DOCK2: variants seen among roughly 807,000 people sequenced by gnomAD.
DOCK2 encodes the protein dedicator of cytokinesis 2.
Under a neutral mutation model 248.9 loss-of-function variants are expected in DOCK2, and 87 were observed. The ratio of observed to expected loss-of-function variants is 0.35; its 90% CI spans 0.29 to 0.42. DOCK2 has a LOEUF of 0.42. Among genes scored for constraint, DOCK2 ranks in the 10% least tolerant of loss-of-function variants. The pLI, the probability that DOCK2 is intolerant of heterozygous loss-of-function variation, is 1.00. For synonymous variants in DOCK2, 805 were observed against 821.6 expected (o/e 0.98, Z 0.35); for missense variants, 1,747 against 2,300.2 (o/e 0.76, Z 4.92).
Position 169,747,560 on chromosome 5 carries a change from G to A in DOCK2, c.2376+56G>A. On this transcript the variant is annotated intron_variant, in intron 23 of 51. Coordinates refer to ENST00000520908, the MANE Select transcript of DOCK2 (RefSeq NM_004946.3). ...CTCCTTGGCCATCCAGTAAATAACA[G>A]CATGCTAAGATAATATCTTCTTTTA... is the stretch of plus-strand genomic sequence containing the variant. The A allele has an allele frequency of 2.1e-6, 3 of 1,444,574 alleles. No individual in the cohort carries two copies. The South Asian group carries it at 3.6e-5, about 17-fold the overall frequency. The allele number at this position is 1,444,574 out of a possible 1,614,324, so 89.5% of individuals were successfully genotyped here. A position where few individuals can be genotyped will look rare whatever the true frequency, so the allele number is the denominator to read the frequency against.
chr5:169,807,900 G>A (rs1006573069), intron 26 of DOCK2, among the ~76,000 whole-genome samples: 5 of 147,896 alleles, frequency 3.4e-5, no homozygotes, highest in African/African-American at 5.0e-5. Flanking sequence ...CCACAAAATG[G>A]CAAATATTTC....
chr5:170,023,116 G>A (rs746777007), intron 33 of DOCK2, among the ~76,000 whole-genome samples: 1 of 152,076 alleles, frequency 6.6e-6, no homozygotes, highest in Non-Finnish European at 1.5e-5. Flanking sequence ...CTTGGAGACT[G>A]GTTGGCTAGA....
chr5:170,001,074 G>A (rs1181775760), intron 30 of DOCK2, among the ~76,000 whole-genome samples: 1 of 152,100 alleles, frequency 6.6e-6, no homozygotes, highest in Non-Finnish European at 1.5e-5. Context: ...CCCCAGCCCT[G>A]CCTGCTTCAG....
chr5:169,644,294 G>A (rs1229845383), intron 1 of DOCK2, among the ~76,000 whole-genome samples: 2 of 152,060 alleles, frequency 1.3e-5, no homozygotes, highest in African/African-American at 4.8e-5. Flanking sequence ...ATTAAATGTG[G>A]AAGGAGAGGG....
At chr5:169,644,184 AG>A (rs1581368680) in intron 1 of DOCK2, among the ~76,000 whole-genome samples, 1 of 151,928 alleles carries the variant, frequency 6.6e-6, no homozygotes, top group African/African-American at 2.4e-5. Context: ...TGAATGGGGG[AG>A]GGGGACATTG....
At chr5:169,753,616 C>T (rs1257642075) in intron 23 of DOCK2, among the ~76,000 whole-genome samples, 1 of 152,162 alleles carries the variant, frequency 6.6e-6, no homozygotes, top group Non-Finnish European at 1.5e-5. Flanking sequence ...TTCTTAATCA[C>T]CACCAAACAA....
chr5:169,654,432 C>G lies in DOCK2; in HGVS notation c.73C>G (p.Pro25Ala), dbSNP rs2113179069. 6.2e-7 allele frequency: 1 copy of G among 1,614,160 alleles called. No individual in the cohort carries two copies. The highest frequency in any genetic ancestry group is 8.5e-7 in the Non-Finnish European group (1 of 1,180,022). ...AIYNFQGSGA[P>A]QLSLQIGDVV... The stretch of plus-strand genomic sequence containing the variant: ...ATACAACTTCCAAGGCAGCGGAGCC[C>G]CCCAGCTCTCCCTGCAGATCGGCGA... Residue 25 changes from proline (P) to alanine (A), a missense_variant, in exon 2 of 52, where the codon CCC (proline) becomes GCC (alanine). Physicochemically the swap from Pro to Ala is conservative, Grantham distance 27. Transcript: ENST00000520908.
At chr5:169,946,360 T>C (rs1687687403) in intron 27 of DOCK2, among the ~76,000 whole-genome samples, 1 of 152,130 alleles carries the variant, frequency 6.6e-6, no homozygotes, top group Admixed American at 6.5e-5. Flanking sequence ...GGGGGACGAG[T>C]CACAGGAAGT....
chr5:169,874,242 G>A (rs546652825), intron 27 of DOCK2, among the ~76,000 whole-genome samples: 4 of 151,930 alleles, frequency 2.6e-5, no homozygotes, highest in Admixed American at 6.6e-5. Context: ...GTGAAACCCC[G>A]TCTCTACTAA....
chr5:169,987,015 G>A (rs772651180), intron 29 of DOCK2, among the ~76,000 whole-genome samples: 4 of 151,944 alleles, frequency 2.6e-5, no homozygotes, highest in Non-Finnish European at 5.9e-5. Flanking sequence ...GAATGTATTG[G>A]CACAGATAAC....
chr5:169,695,412 G>A (rs1327524662), intron 9 of DOCK2: 1 of 175,042 alleles, frequency 5.7e-6, no homozygotes, highest in Non-Finnish European at 1.2e-5. Context: ...TCTCTCAGAG[G>A]TTCTGAGCAA....
At chr5:169,980,750 G>A (rs1174377857) in intron 27 of DOCK2, 2 of 152,076 alleles carry the variant, frequency 1.3e-5, no homozygotes, top group African/African-American at 2.4e-5. Flanking sequence ...CAGTGACGGC[G>A]GTGTTCTGTC....
chr5:170,047,677 C>A, intron 40 of DOCK2, 63 bp downstream of exon 40: 1 of 1,450,940 alleles, frequency 6.9e-7, no homozygotes, highest in Non-Finnish European at 9.6e-7. Flanking sequence ...CTCAGCGGTC[C>A]TTCTATGCTT....
At chr5:169,681,193 G>C (rs1195086350) in intron 6 of DOCK2, among the ~76,000 whole-genome samples, 1 of 141,472 alleles carries the variant, frequency 7.1e-6, no homozygotes, top group Admixed American at 7.7e-5. Flanking sequence ...GTGCAATCTC[G>C]GCTCGCTGCA....
intron 46 of DOCK2, among the ~76,000 whole-genome samples, chr5:170,071,352 C>A (rs1376525799): frequency 6.6e-6 from 1 of 152,166 alleles, no homozygotes; most frequent in African/African-American, 2.4e-5. Context: ...TTTGCAAAGC[C>A]AAATACACTT....
At chr5:169,714,834 A>C (rs1000302842) in intron 19 of DOCK2, among the ~76,000 whole-genome samples, 3 of 152,228 alleles carry the variant, frequency 2.0e-5, no homozygotes, top group African/African-American at 7.2e-5. Flanking sequence ...TCTTACACAT[A>C]GTACACAACA....
intron 28 of DOCK2, 119 bp downstream of exon 28, chr5:169,983,285 T>G: frequency 2.9e-6 from 3 of 1,047,562 alleles, no homozygotes; most frequent in Non-Finnish European, 4.3e-6. Context: ...TTAACCAATA[T>G]TTGTTGATGA....
intron 1 of DOCK2, among the ~76,000 whole-genome samples, chr5:169,653,205 C>T (rs898373194): frequency 6.6e-6 from 1 of 152,120 alleles, no homozygotes; most frequent in Non-Finnish European, 1.5e-5. Context: ...GCTACACATT[C>T]GTTCTTATTA....
intron 12 of DOCK2, among the ~76,000 whole-genome samples, 153 bp from the exon 13 acceptor site, chr5:169,699,861 T>G (rs1038355475): frequency 5.3e-5 from 8 of 152,196 alleles, no homozygotes; most frequent in Non-Finnish European, 1.0e-4. Flanking sequence ...GATCGCCTGT[T>G]CCAGAGGCCC....
Sources: allele counts gnomAD v4.1 joint callset (sites outside exome capture counted in the v4.1 genomes callset), GRCh38; gene constraint gnomAD v4.1.1; transcripts MANE v1.5; gene names NCBI Gene and HGNC (gene_info 2026-07-23, HGNC 2026-07-21).